Variants in SLC36A4 observed in about 807,000 individuals in gnomAD.
The protein encoded by SLC36A4 is solute carrier family 36 member 4.
SLC36A4 carries 49 observed loss-of-function variants against 50.5 expected under a neutral mutation model. The observed-to-expected ratio is 0.97, with a 90% CI of 0.77 to 1.23. The LOEUF (loss-of-function observed/expected upper bound fraction) is 1.23, where lower values mean the gene tolerates loss of function less well. Among genes scored for constraint, SLC36A4 ranks in the 50% most tolerant of loss-of-function variants. The pLI is 0.00. For missense variants in SLC36A4, 611 were observed against 608.4 expected, an observed-to-expected ratio of 1.00 and a Z score of -0.05; for synonymous variants, 207 against 206.5, an observed-to-expected ratio of 1.00 and a Z score of -0.02.
chr11:93,178,200 G>T (rs11020188), intron 6 of SLC36A4, among the ~76,000 whole-genome samples: 1 of 152,018 alleles, frequency 6.6e-6, no homozygotes, highest in African/African-American at 2.4e-5. Flanking sequence ...CTCTGAGCCA[G>T]CGCAGGATAT....
intron 9 of SLC36A4, among the ~76,000 whole-genome samples, chr11:93,158,832 A>C (rs1361037804): frequency 1.3e-5 from 2 of 152,134 alleles, no homozygotes; most frequent in Non-Finnish European, 2.9e-5. Flanking sequence ...CTACCCAGTA[A>C]ACCCTCTTTC....
At chr11:93,196,372 A>G (rs905318911) in intron 1 of SLC36A4, among the ~76,000 whole-genome samples, 4 of 151,022 alleles carry the variant, frequency 2.6e-5, no homozygotes, top group Non-Finnish European at 5.9e-5. Context: ...AACGATAAGC[A>G]CTTTTTTTTT....
chr11:93,180,936 T>C, intron 5 of SLC36A4, 55 bp from the exon 6 acceptor site: 1 of 1,167,698 alleles, frequency 8.6e-7, no homozygotes, highest in Non-Finnish European at 1.3e-6. Flanking sequence ...AATGTCAATA[T>C]ATTTTATTTC....
intron 10 of SLC36A4, 119 bp downstream of exon 10, chr11:93,153,989 T>C (rs1860226837): frequency 3.8e-6 from 2 of 530,374 alleles, no homozygotes; most frequent in Non-Finnish European, 5.9e-6. Flanking sequence ...AAAATTGTTT[T>C]AAAAATATTG....
intron 8 of SLC36A4, among the ~76,000 whole-genome samples, chr11:93,165,172 G>T (rs1446794059): frequency 6.6e-6 from 1 of 152,002 alleles, no homozygotes. Context: ...TTTGTCTGGG[G>T]TTAGTATAAA....
At chr11:93,159,166 A>C (rs1227492460) in intron 9 of SLC36A4, among the ~76,000 whole-genome samples, 1 of 152,168 alleles carries the variant, frequency 6.6e-6, no homozygotes, top group Non-Finnish European at 1.5e-5. Context: ...AAAATCTATT[A>C]TAATGATAGT....
rs551023350 is a variant in SLC36A4 at position 93,148,153 on chromosome 11, T to G, written c.*384A>C. 1.7e-3 allele frequency: 281 copies of G among 163,394 alleles called. No individual in the cohort carries two copies. Among genetic ancestry groups the G allele is most frequent in the Admixed American group, 3.1e-3 (49 of 15,564 alleles). 10.1% of individuals were successfully genotyped at this position (163,394 alleles called of 1,614,324 possible). ...GAGCTTTTTGTTATACATGTTCTTA[T>G]TTTATTCTCTTATTGTTGAAATCCT... On this transcript the variant is annotated 3_prime_UTR_variant, in exon 11 of 11. Coordinates refer to ENST00000326402, the MANE Select transcript of SLC36A4 (RefSeq NM_152313.4).
intron 6 of SLC36A4, 27 bp downstream of exon 6, chr11:93,180,770 T>A: frequency 1.3e-6 from 2 of 1,522,658 alleles, no homozygotes; most frequent in Non-Finnish European, 1.8e-6. Flanking sequence ...AAGAAAATGA[T>A]TTCACTAACT....
At chr11:93,166,528 A>T in intron 7 of SLC36A4, 1 of 379,510 alleles carries the variant, frequency 2.6e-6, no homozygotes, top group Non-Finnish European at 3.6e-6. Context: ...TTCAGTGCTT[A>T]CTATTTGATT....
At chr11:93,189,674 A>T (rs146558035) in intron 1 of SLC36A4, among the ~76,000 whole-genome samples, 1 of 152,284 alleles carries the variant, frequency 6.6e-6, no homozygotes, top group African/African-American at 2.4e-5. Context: ...TGCTGTACTA[A>T]GCATACTATC....
Position 93,162,816 on chromosome 11 carries a change from A to T in SLC36A4, c.927T>A (p.Ile309=), listed in dbSNP as rs762493522. Residue 309 remains isoleucine (I), a synonymous_variant, in exon 9 of 11, where the codon ATT becomes ATA. Transcript: ENST00000326402. ...ESKRFPQALN[I]GMGIVTTLYV... ...ACAAAGTTGTAACAATCCCCATGCC[A>T]ATATTCAACGCTTGAGGGAAACGCT... The T allele has an allele frequency of 6.2e-7, 1 of 1,613,792 alleles. No individual in the cohort carries two copies. The highest frequency in any genetic ancestry group is 1.3e-5 in the African/African-American group (1 of 74,934).
chr11:93,153,467 T>C (rs184937403), intron 10 of SLC36A4, among the ~76,000 whole-genome samples: 2 of 152,142 alleles, frequency 1.3e-5, no homozygotes, highest in Admixed American at 1.3e-4. Context: ...GCATGTAACT[T>C]GCCTAAAGAC....
chr11:93,192,649 A>G (rs1862261289), intron 1 of SLC36A4, among the ~76,000 whole-genome samples: 1 of 152,192 alleles, frequency 6.6e-6, no homozygotes. Flanking sequence ...AAAAATTAAG[A>G]TATTTTGGAT....
chr11:93,145,456 T>G lies in SLC36A4; in HGVS notation c.*3081A>C, dbSNP rs1859829610. 1 of 152,018 alleles carries G rather than the reference T, an allele frequency of 6.6e-6. No individual in the cohort carries two copies. Among genetic ancestry groups the G allele is most frequent in the East Asian group, 1.9e-4 (1 of 5,170 alleles). 9.4% of individuals were successfully genotyped at this position (152,018 alleles called of 1,614,324 possible). ...GCTGTAGCTCTTATTTTCTTAATTG[T>G]AAAGAAATCTGGCCATGTGGGGAAA... On this transcript the variant is annotated 3_prime_UTR_variant, in exon 11 of 11. Coordinates refer to ENST00000326402, the MANE Select transcript of SLC36A4 (RefSeq NM_152313.4).
At position 93,145,637 on chromosome 11, in the gene SLC36A4, C is replaced by T. The variant is rs1407405225; in HGVS notation, c.*2900G>A. On this transcript the variant is annotated 3_prime_UTR_variant, in exon 11 of 11. Coordinates refer to ENST00000326402, the MANE Select transcript of SLC36A4 (RefSeq NM_152313.4). ...GCTTTCCTTTCTTTCCCCTCAGTAG[C>T]AGAAAAGTCTCTCAGGCAACTGATT... 1.3e-5 allele frequency: 2 copies of T among 152,048 alleles called. No homozygotes were observed. Among genetic ancestry groups the T allele is most frequent in the Non-Finnish European group, 2.9e-5 (2 of 67,998 alleles). The allele number at this position is 152,048 out of a possible 1,614,324, so 9.4% of individuals were successfully genotyped here. A position where few individuals can be genotyped will look rare whatever the true frequency, so the allele number is the denominator to read the frequency against.
At chr11:93,161,672 T>C (rs760993836) in intron 9 of SLC36A4, among the ~76,000 whole-genome samples, 39 of 152,242 alleles carry the variant, frequency 2.6e-4, no homozygotes, top group Admixed American at 9.8e-4. Context: ...TTCACTAATA[T>C]AGTAAGACAT....
At chr11:93,163,171 G>T (rs772624303) in intron 8 of SLC36A4, among the ~76,000 whole-genome samples, 4 of 151,888 alleles carry the variant, frequency 2.6e-5, no homozygotes, top group Non-Finnish European at 5.9e-5. Context: ...ATAACACAGA[G>T]ATCTCCCATA....
At chr11:93,192,054 C>T (rs1430535913) in intron 1 of SLC36A4, among the ~76,000 whole-genome samples, 1 of 152,058 alleles carries the variant, frequency 6.6e-6, no homozygotes, top group East Asian at 1.9e-4. Flanking sequence ...AAAAAAAAAT[C>T]CTGCCTTCAT....
At chr11:93,185,453 A>C (rs1035246698) in intron 2 of SLC36A4, 9 of 331,202 alleles carry the variant, frequency 2.7e-5, no homozygotes, top group Non-Finnish European at 4.3e-5. Flanking sequence ...ACTTAATCAG[A>C]TCTCCCTTCT....
Sources: allele counts gnomAD v4.1 joint callset (sites outside exome capture counted in the v4.1 genomes callset), GRCh38; gene constraint gnomAD v4.1.1; transcripts MANE v1.5; gene names NCBI Gene and HGNC (gene_info 2026-07-23, HGNC 2026-07-21).